Variants in TCF12 observed in about 807,000 individuals in gnomAD.
The protein encoded by TCF12 is transcription factor 12.
In TCF12, 45 loss-of-function variants were observed where a neutral mutation model predicts 86.0. That is an observed-to-expected ratio of 0.52 (90% CI 0.41 to 0.67). The LOEUF (loss-of-function observed/expected upper bound fraction) is 0.67. Ranked by LOEUF, TCF12 falls within the 30% of genes least tolerant of loss-of-function variation. The pLI is 0.00. For synonymous variants in TCF12, 330 were observed against 299.6 expected (o/e 1.10, Z -1.05); for missense variants, 881 against 859.9 (o/e 1.02, Z -0.31).
intron 13 of TCF12, among the ~76,000 whole-genome samples, chr15:57,250,756 C>A (rs1340150015): frequency 1.3e-5 from 2 of 151,044 alleles, no homozygotes; most frequent in Non-Finnish European, 3.0e-5. Flanking sequence ...AATTAGCCAA[C>A]GTGGTGGCAC....
intron 5 of TCF12, among the ~76,000 whole-genome samples, chr15:57,114,114 T>C (rs933277621): frequency 6.6e-6 from 1 of 152,172 alleles, no homozygotes; most frequent in Non-Finnish European, 1.5e-5. Flanking sequence ...TTTTTTGTGA[T>C]CCCTTTTTGA....
At chr15:57,098,132 C>G (rs959383351) in intron 5 of TCF12, among the ~76,000 whole-genome samples, 1 of 151,934 alleles carries the variant, frequency 6.6e-6, no homozygotes, top group Non-Finnish European at 1.5e-5. Context: ...TTGCAGTGAG[C>G]CCAGATTGCG....
intron 3 of TCF12, among the ~76,000 whole-genome samples, chr15:56,933,256 T>A (rs2060324573): frequency 6.6e-6 from 1 of 152,234 alleles, no homozygotes; most frequent in Non-Finnish European, 1.5e-5. Context: ...GAAGATACTT[T>A]AATAGAACAG....
At chr15:57,023,531 A>G (rs976223562) in intron 3 of TCF12, among the ~76,000 whole-genome samples, 2 of 152,316 alleles carry the variant, frequency 1.3e-5, no homozygotes, top group South Asian at 2.1e-4. Flanking sequence ...ACCCTTACCA[A>G]GAGCCAATTA....
At chr15:57,247,606 C>G in intron 13 of TCF12, 1 of 819,588 alleles carries the variant, frequency 1.2e-6, no homozygotes, top group Non-Finnish European at 2.1e-6. Context: ...TCTTGCCATA[C>G]TTTTCAAAGT....
chr15:57,001,103 A>G (rs1362473608), intron 3 of TCF12, among the ~76,000 whole-genome samples: 2 of 144,582 alleles, frequency 1.4e-5, no homozygotes, highest in Non-Finnish European at 3.0e-5. Context: ...TGCAACCTGT[A>G]CCTCCCAGGT....
intron 7 of TCF12, among the ~76,000 whole-genome samples, chr15:57,192,523 A>C (rs187188076): frequency 3.3e-5 from 5 of 152,160 alleles, no homozygotes; most frequent in Middle Eastern, 3.4e-3. Flanking sequence ...CAAGTAGCTG[A>C]GACTATAGGC....
In TCF12 at chr15:57,232,391, A is replaced by G; in HGVS notation, c.786A>G (p.Gln262=). The G allele has an allele frequency of 1.9e-6, 3 of 1,611,680 alleles. No homozygotes were observed. Among genetic ancestry groups the G allele is most frequent in the Non-Finnish European group, 2.5e-6 (3 of 1,179,306 alleles). The change falls in exon 10 of 21, where the codon CAA becomes CAG. Residue 262 remains glutamine, a synonymous_variant. Transcript: ENST00000333725. The part of the protein sequence containing the change: ...ILGTSTSHMS[Q]SSSYGNLHSH... ...GGACCTCCACTTCCCACATGTCTCA[A>G]TCCAGTAGTTATGGCAACCTTCATT...
chr15:56,953,925 G>A (rs2061392798), intron 3 of TCF12, among the ~76,000 whole-genome samples: 2 of 117,992 alleles, frequency 1.7e-5, no homozygotes, highest in Non-Finnish European at 3.5e-5. Flanking sequence ...TTTGACTTCT[G>A]CTGTGACTTT....
In TCF12 at chr15:57,032,496, A is replaced by G. The variant is rs1285101475; in HGVS notation, c.149-31254A>G. 3.9e-5 allele frequency among the ~76,000 whole-genome samples: 6 copies of G among 152,312 alleles called. No individual in the cohort carries two copies. In the East Asian group the frequency reaches 1.2e-3, roughly 29 times the overall value. ...CAGGCTGGAGTGCGCTGGCACAATCAGGGCTCGCAGCAGCCTGGACCTCCC... is the reference window on the plus strand; with the variant it reads ...CAGGCTGGAGTGCGCTGGCACAATCGGGGCTCGCAGCAGCCTGGACCTCCC... On this transcript the variant is annotated intron_variant, in intron 3 of 20. Coordinates refer to ENST00000333725, the MANE Select transcript of TCF12 (RefSeq NM_207037.2).
intron 4 of TCF12, among the ~76,000 whole-genome samples, chr15:57,090,268 C>T (rs764985192): frequency 4.6e-5 from 7 of 151,952 alleles, no homozygotes; most frequent in Non-Finnish European, 8.8e-5. Flanking sequence ...TGTGGAGTGA[C>T]GTTAGCTAAG....
intron 4 of TCF12, among the ~76,000 whole-genome samples, chr15:57,074,045 C>T (rs543276325): frequency 3.3e-5 from 5 of 152,154 alleles, no homozygotes; most frequent in South Asian, 4.2e-4. Flanking sequence ...CCACCACGCC[C>T]GGCCTTAGAA....
intron 5 of TCF12, among the ~76,000 whole-genome samples, chr15:57,104,808 C>T (rs538334477): frequency 6.7e-6 from 1 of 148,534 alleles, no homozygotes; most frequent in South Asian, 2.1e-4. Flanking sequence ...AGGATTTAGG[C>T]ATTCTTCACT....
intron 3 of TCF12, among the ~76,000 whole-genome samples, chr15:57,054,773 CTTTTTTTTTTTTTT>C (rs35859330): frequency 2.1e-4 from 5 of 24,188 alleles, no homozygotes; most frequent in Non-Finnish European, 3.4e-4. Flanking sequence ...AATGCCTCTG[CTTTTTTTTTTTTTT>C]TTTTTTTTTT....
intron 5 of TCF12, among the ~76,000 whole-genome samples, chr15:57,158,741 C>G (rs752123797): frequency 1.9e-4 from 29 of 152,190 alleles, no homozygotes; most frequent in Non-Finnish European, 3.7e-4. Flanking sequence ...TGGTTTATCA[C>G]TAATCTCACT....
Position 57,109,761 on chromosome 15 carries a change from G to A in TCF12, c.325+17870G>A, listed in dbSNP as rs191373693. ...TTCATAAAAATGTTAAAAGTTAAGG[G>A]ATTTTTAAAATGTCATTAGATATTC... On this transcript the variant is annotated intron_variant, in intron 5 of 20. Coordinates refer to ENST00000333725, the MANE Select transcript of TCF12 (RefSeq NM_207037.2). Among the ~76,000 whole-genome samples the A allele has an allele frequency of 4.5e-3, 687 of 152,242 alleles. 1 individual carries two copies. The highest frequency in any genetic ancestry group is 7.6e-3 in the Non-Finnish European group (518 of 68,010).
chr15:57,011,826 T>A (rs1331604868), intron 3 of TCF12, among the ~76,000 whole-genome samples: 1 of 152,188 alleles, frequency 6.6e-6, no homozygotes, highest in Non-Finnish European at 1.5e-5. Flanking sequence ...GGGCAGACTT[T>A]CCATCAATTT....
intron 3 of TCF12, among the ~76,000 whole-genome samples, chr15:57,029,321 A>C (rs1197796488): frequency 6.6e-6 from 1 of 151,936 alleles, no homozygotes; most frequent in African/African-American, 2.4e-5. Flanking sequence ...TCTTGTATTA[A>C]TCATTATGTC....
rs752327826 is a variant in TCF12, at chr15:57,234,124, C to T, written c.1035+17C>T. 5 of 1,605,238 alleles carry T rather than the reference C, an allele frequency of 3.1e-6. No individual in the cohort carries two copies. The highest frequency in any genetic ancestry group is 2.2e-5 in the East Asian group (1 of 44,774). On this transcript the variant is annotated intron_variant, in intron 12 of 20. Coordinates refer to ENST00000333725, the MANE Select transcript of TCF12 (RefSeq NM_207037.2). ...TTGGCATCTGTGAGTATTGATTTTACACATTCTACTGAATGAATTTTACAC... is the reference window on the plus strand; with the variant it reads ...TTGGCATCTGTGAGTATTGATTTTATACATTCTACTGAATGAATTTTACAC...
Sources: gnomAD v4.1 joint callset for allele counts (sites outside exome capture counted in the v4.1 genomes callset) on GRCh38, gnomAD v4.1.1 for gene constraint, MANE v1.5 for transcripts, NCBI Gene and HGNC (gene_info 2026-07-23, HGNC 2026-07-21) for gene names.